FAAH2: variants seen among roughly 807,000 people sequenced by gnomAD.
FAAH2 encodes fatty-acid amide hydrolase 2.
A neutral mutation model predicts 36.9 loss-of-function variants in FAAH2; 60 were observed. The observed-to-expected ratio is 1.63, with a 90% CI of 1.32 to 2.02. The LOEUF is 2.02. Ranked by LOEUF, FAAH2 falls within the 30% of genes most tolerant of loss-of-function variation. The pLI is 0.00. For synonymous variants in FAAH2, 214 were observed against 143.8 expected, an observed-to-expected ratio of 1.49 and a Z score of -3.49; for missense variants, 689 against 397.5, an observed-to-expected ratio of 1.73 and a Z score of -6.23.
the FAAH2 span, among the ~76,000 whole-genome samples, chrX:57,149,561 T>A: frequency 3.6e-5 from 4 of 111,933 alleles, no homozygotes; most frequent in Non-Finnish European, 3.8e-5. Flanking sequence ...GTTCATAGTA[T>A]TCTCTGATGG....
At chrX:57,435,942 C>T (rs2056401634) in intron 8 of FAAH2, among the ~76,000 whole-genome samples, 1 of 111,084 alleles carries the variant, frequency 9.0e-6, no homozygotes, top group African/African-American at 3.3e-5. Flanking sequence ...CCATGTATGA[C>T]CTTGTATAGA....
chrX:57,156,658 C>T, the FAAH2 span, among the ~76,000 whole-genome samples: 1 of 112,175 alleles, frequency 8.9e-6, no homozygotes, highest in African/African-American at 3.2e-5. Flanking sequence ...GATACACAGC[C>T]TTTGTGGACT....
At chrX:57,460,543 G>A (rs2056940353) in intron 10 of FAAH2, among the ~76,000 whole-genome samples, 1 of 111,767 alleles carries the variant, frequency 8.9e-6, no homozygotes, top group Non-Finnish European at 1.9e-5. Flanking sequence ...TTCTTATCCA[G>A]CCAAACTAAG....
At chrX:57,409,605 A>T (rs1457899791) in intron 7 of FAAH2, among the ~76,000 whole-genome samples, 1 of 110,427 alleles carries the variant, frequency 9.1e-6, no homozygotes, top group Non-Finnish European at 1.9e-5. Flanking sequence ...TTTATTAATG[A>T]CTCAGCCTTT....
At chrX:57,267,487 C>G in the FAAH2 span, among the ~76,000 whole-genome samples, 1 of 112,896 alleles carries the variant, frequency 8.9e-6, no homozygotes, top group South Asian at 3.6e-4. Flanking sequence ...CCAGGACCAT[C>G]TCCACTGCAA....
At chrX:57,442,748 T>C (rs1327076638) in intron 8 of FAAH2, among the ~76,000 whole-genome samples, 18 of 112,106 alleles carry the variant, frequency 1.6e-4, no homozygotes, top group Admixed American at 2.8e-4. Flanking sequence ...TGGCTGTTAC[T>C]GGTTGTTCCT....
intron 5 of FAAH2, among the ~76,000 whole-genome samples, chrX:57,355,204 GT>G (rs751003684): frequency 1.1e-3 from 117 of 110,771 alleles, no homozygotes; most frequent in African/African-American, 3.8e-3. Context: ...AAAAACATGT[GT>G]TGGTTAAACA....
At chrX:57,456,000 T>A (rs780698612) in intron 10 of FAAH2, among the ~76,000 whole-genome samples, 1 of 111,681 alleles carries the variant, frequency 9.0e-6, no homozygotes, top group East Asian at 2.8e-4. Flanking sequence ...ACAGAATATA[T>A]ATTTTTCTCA....
chrX:57,260,481 G>A, the FAAH2 span, among the ~76,000 whole-genome samples: 1 of 111,557 alleles, frequency 9.0e-6, no homozygotes, highest in Non-Finnish European at 1.9e-5. Flanking sequence ...AAAATTTTTT[G>A]GGATCTTAGG....
At chrX:57,298,709 C>A (rs1340212400) in intron 2 of FAAH2, among the ~76,000 whole-genome samples, 4 of 59,628 alleles carry the variant, frequency 6.7e-5, no homozygotes, top group Non-Finnish European at 1.2e-4. Context: ...AGACCACTAG[C>A]CAGACTAATA....
chrX:57,176,703 A>G, the FAAH2 span, among the ~76,000 whole-genome samples: 1 of 111,088 alleles, frequency 9.0e-6, no homozygotes, highest in African/African-American at 3.3e-5. Context: ...TGGGTAGTCT[A>G]TTTCTTCTAA....
chrX:57,363,384 G>A (rs1301292946), intron 5 of FAAH2, among the ~76,000 whole-genome samples: 2 of 111,430 alleles, frequency 1.8e-5, no homozygotes, highest in Admixed American at 1.9e-4. Context: ...CATTATTGGT[G>A]TATAAAAGTA....
chrX:57,442,970 G>A (rs746422422), intron 8 of FAAH2, among the ~76,000 whole-genome samples: 3 of 111,771 alleles, frequency 2.7e-5, no homozygotes, highest in East Asian at 2.8e-4. Context: ...AGTTTCTGCC[G>A]AGAGATCCAC....
intron 7 of FAAH2, among the ~76,000 whole-genome samples, chrX:57,412,681 C>T (rs1281205526): frequency 1.8e-5 from 2 of 112,045 alleles, no homozygotes; most frequent in African/African-American, 6.5e-5. Flanking sequence ...CTGCAATAAA[C>T]ATATGTGTGT....
chrX:57,293,475 G>A (rs1257187054), intron 2 of FAAH2, among the ~76,000 whole-genome samples: 1 of 111,802 alleles, frequency 8.9e-6, no homozygotes, highest in African/African-American at 3.2e-5. Context: ...TTCAAAAAAT[G>A]TATGTGACAA....
chrX:57,244,117 T>A, the FAAH2 span, among the ~76,000 whole-genome samples: 3 of 107,256 alleles, frequency 2.8e-5, 1 homozygote, highest in African/African-American at 1.0e-4. Context: ...TATCAATAGC[T>A]GAATCAATCA....
At chrX:57,253,237 A>AC in the FAAH2 span, among the ~76,000 whole-genome samples, 4 of 110,926 alleles carry the variant, frequency 3.6e-5, no homozygotes, top group African/African-American at 1.3e-4. Flanking sequence ...AAAGAAACAA[A>AC]AAAAAAAGCC....
intron 10 of FAAH2, among the ~76,000 whole-genome samples, chrX:57,457,780 G>A: frequency 9.3e-6 from 1 of 107,554 alleles, no homozygotes; most frequent in East Asian, 2.9e-4. Flanking sequence ...GCAAAACACA[G>A]CTAAAAGAAA....
chrX:57,306,994 G>T (rs747000837), intron 2 of FAAH2, among the ~76,000 whole-genome samples: 1,063 of 30,944 alleles, frequency 0.034, 77 homozygotes, highest in African/African-American at 0.07. Flanking sequence ...CACACACACA[G>T]ATACATATAT....
Sources: allele counts gnomAD v4.1 joint callset (sites outside exome capture counted in the v4.1 genomes callset), GRCh38; gene constraint gnomAD v4.1.1; transcripts MANE v1.5; gene names NCBI Gene and HGNC (gene_info 2026-07-23, HGNC 2026-07-21).